KLHL40: variants seen among roughly 807,000 people sequenced by gnomAD.
The protein encoded by KLHL40 is kelch like family member 40, also known as kelch-like protein 40.
KLHL40 carries 44 observed loss-of-function variants against 49.7 expected under a neutral mutation model. The ratio of observed to expected loss-of-function variants is 0.89; its 90% CI spans 0.70 to 1.14. The LOEUF is 1.14. Among genes scored for constraint, KLHL40 ranks in the 50% most tolerant of loss-of-function variants. The pLI, the probability that KLHL40 is intolerant of heterozygous loss-of-function variation, is 0.00. For missense variants in KLHL40, 892 were observed against 850.3 expected, an observed-to-expected ratio of 1.05 and a Z score of -0.61; for synonymous variants, 409 against 365.2, an observed-to-expected ratio of 1.12 and a Z score of -1.37.
In KLHL40 at chr3:42,688,286, A is replaced by G. The variant is rs1171552364; in HGVS notation, c.1297A>G (p.Met433Val). The G allele has an allele frequency of 1.2e-6, 2 of 1,613,780 alleles. No homozygotes were observed. The highest frequency in any genetic ancestry group is 2.2e-5 in the East Asian group (1 of 44,840). ...CGGCGAGCGCTGCCTGGACTCGGTC[A>G]TGTGCTACGACAGGCTGTGAGCATG... ...KDGERCLDSV[M>V]CYDRLSFKWG... Residue 433 changes from methionine (M) to valine (V), a missense_variant, in exon 2 of 6, where the codon ATG (methionine) becomes GTG (valine). Coordinates refer to ENST00000287777, the MANE Select transcript of KLHL40 (RefSeq NM_152393.4). The surrounding 1 kb of genome is among the most constrained non-coding windows in gnomAD (Gnocchi z 4.2).
chr3:42,686,355 C>A lies in KLHL40; in HGVS notation c.737C>A (p.Ala246Asp). 6.2e-7 allele frequency: 1 copy of A among 1,612,898 alleles called. No individual in the cohort carries two copies. The highest frequency in any genetic ancestry group is 1.1e-5 in the South Asian group (1 of 91,060). The change falls in exon 1 of 6, where the codon GCC (alanine) becomes GAC (aspartate). Residue 246 changes from alanine to aspartate, a missense_variant. Coordinates refer to ENST00000287777, the MANE Select transcript of KLHL40 (RefSeq NM_152393.4). ...GTGGAGCGCCACCCTCTCGTGCGTG[C>A]CCAGCCCGAGTTGCTGCGCAAGGTG... ...SRVERHPLVR[A>D]QPELLRKVQM...
Position 42,685,583 on chromosome 3 carries a change from C to G in KLHL40, c.-36C>G, listed in dbSNP as rs1359560887. ...GAAAGCAGGGGTACAGAGAGGAGCC[C>G]CCTTGGCACCGCCACCGCACCCTAG... On this transcript the variant is annotated 5_prime_UTR_variant, in exon 1 of 6. Transcript: ENST00000287777. 3 of 1,530,130 alleles carry G rather than the reference C, an allele frequency of 2.0e-6. No homozygotes were observed. Among genetic ancestry groups the G allele is most frequent in the South Asian group, 2.5e-5 (2 of 79,866 alleles). The allele number at this position is 1,530,130 out of a possible 1,614,324, so 94.8% of individuals were successfully genotyped here. A position where few individuals can be genotyped will look rare whatever the true frequency, so the allele number is the denominator to read the frequency against.
At position 42,686,652 on chromosome 3, in the gene KLHL40, A is replaced by C. The variant is rs6805421; in HGVS notation, c.1034A>C (p.Asn345Thr). Residue 345 changes from asparagine to threonine, a missense_variant, in exon 1 of 6, where the codon AAC becomes ACC. Physicochemically the swap from Asn to Thr is moderately conservative, Grantham distance 65. Coordinates refer to ENST00000287777, the MANE Select transcript of KLHL40 (RefSeq NM_152393.4). ...ANECYCASLS[N>T]QVPKNHVSLV... ...GAGTGCTACTGTGCTTCCCTCTCCA[A>C]CCAGGTCCCCAAGAACCACGTCAGC... 1 of 1,613,644 alleles carries C rather than the reference A, an allele frequency of 6.2e-7. No homozygotes were observed. The highest frequency in any genetic ancestry group is 1.3e-5 in the African/African-American group (1 of 74,892).
rs3846062 is a variant in KLHL40 at position 42,692,175 on chromosome 3, A to C, written c.*182A>C. ...GCTGCTTAGTCCTGGACTTTTGGGC[A>C]AGGGTGAGAAACTAGAGGCTTCTCC... On this transcript the variant is annotated 3_prime_UTR_variant, in exon 6 of 6. Coordinates refer to ENST00000287777, the MANE Select transcript of KLHL40 (RefSeq NM_152393.4). 0.58 allele frequency: 332,691 copies of C among 574,794 alleles called. 97,420 individuals carry two copies. The highest frequency in any genetic ancestry group is 0.68 in the East Asian group (23,841 of 35,286). The allele number at this position is 574,794 out of a possible 1,614,324, so 35.6% of individuals were successfully genotyped here. A position where few individuals can be genotyped will look rare whatever the true frequency, so the allele number is the denominator to read the frequency against.
rs181054544 is a variant in KLHL40 at position 42,689,082 on chromosome 3, G to A, written c.1607+28G>A. 2,228 of 1,587,346 alleles carry A rather than the reference G, an allele frequency of 1.4e-3. 7 individuals are homozygous for A. Among genetic ancestry groups the A allele is most frequent in the Admixed American group, 3.0e-3 (175 of 58,882 alleles). On this transcript the variant is annotated intron_variant, in intron 4 of 5. Coordinates refer to ENST00000287777, the MANE Select transcript of KLHL40 (RefSeq NM_152393.4). ...ATGAAAGCTTGTCCCTTCCGCCAAG[G>A]ACAACTGCATGGCTTTGGGCTTCTG...
Position 42,686,020 on chromosome 3 carries a change from G to C in KLHL40, c.402G>C (p.Leu134Phe). ...LQKRLCLSNCLAVFRLGLLLD... is the reference protein window; with the variant it reads ...LQKRLCLSNCFAVFRLGLLLD... ...AGCGCCTGTGCCTCTCCAACTGCTT[G>C]GCCGTCTTCCGTCTCGGCCTCCTGC... Residue 134 changes from leucine to phenylalanine, a missense_variant, in exon 1 of 6, where the codon TTG becomes TTC. Physicochemically the swap from Leu to Phe is conservative, Grantham distance 22 (BLOSUM62 0). Transcript: ENST00000287777. 1 of 1,610,098 alleles carries C rather than the reference G, an allele frequency of 6.2e-7. No individual in the cohort carries two copies. Among genetic ancestry groups the C allele is most frequent in the Non-Finnish European group, 8.5e-7 (1 of 1,179,950 alleles).
At chr3:42,689,827 C>T (rs545063951) in intron 4 of KLHL40, among the ~76,000 whole-genome samples, 51 of 152,210 alleles carry the variant, frequency 3.4e-4, no homozygotes, top group African/African-American at 1.2e-3. Context: ...TTCTGATTCT[C>T]GGTATGCGGA....
At position 42,685,804 on chromosome 3, in the gene KLHL40, T is replaced by C; in HGVS notation, c.186T>C (p.Phe62=). 6.2e-7 allele frequency: 1 copy of C among 1,612,384 alleles called. No homozygotes were observed. ...GCAGCCCCTACTTCCGGGCGCGCTT[T>C]CTAGCCGAGCCGGAGCGCGCGGGCG... The part of the protein sequence containing the change: ...AACSPYFRAR[F]LAEPERAGEL... The change falls in exon 1 of 6, where the codon TTT becomes TTC. Residue 62 remains phenylalanine (F), a synonymous_variant. Transcript: ENST00000287777.
In KLHL40 at chr3:42,688,701, G is replaced by A. The variant is rs367579275; in HGVS notation, c.1405G>A (p.Gly469Ser). ...SHMDLVYVIG[G>S]KGSDRKCLNK... ...CATGGACCTTGTCTACGTAATTGGC[G>A]GCAAAGGCAGTGACAGGTGAGGCTG... Residue 469 changes from glycine (G) to serine (S), a missense_variant, in exon 3 of 6, where the codon GGC becomes AGC. Coordinates refer to ENST00000287777, the MANE Select transcript of KLHL40 (RefSeq NM_152393.4). The surrounding 1 kb of genome is among the most constrained non-coding windows in gnomAD (Gnocchi z 4.2). 2.3e-5 allele frequency: 37 copies of A among 1,613,612 alleles called. No individual in the cohort carries two copies. Among genetic ancestry groups the A allele is most frequent in the African/African-American group, 1.7e-4 (13 of 74,890 alleles).
At position 42,685,689 on chromosome 3, in the gene KLHL40, A is replaced by T. The variant is rs373211026; in HGVS notation, c.71A>T (p.Lys24Ile). The part of the protein sequence containing the change: ...YQQTLLQDGL[K>I]DMLDHGKFLD... ...CAGACGCTCCTGCAAGACGGGCTCA[A>T]AGACATGCTGGACCATGGCAAGTTC... The change falls in exon 1 of 6, where the codon AAA becomes ATA. Residue 24 changes from lysine to isoleucine, a missense_variant. Transcript: ENST00000287777. The T allele has an allele frequency of 5.0e-6, 8 of 1,613,080 alleles. No individual in the cohort carries two copies. The highest frequency in any genetic ancestry group is 5.9e-6 in the Non-Finnish European group (7 of 1,179,824).
Position 42,689,166 on chromosome 3 carries a change from C to T in KLHL40, c.1607+112C>T, listed in dbSNP as rs1575220765. On this transcript the variant is annotated intron_variant, in intron 4 of 5. Coordinates refer to ENST00000287777, the MANE Select transcript of KLHL40 (RefSeq NM_152393.4). The stretch of plus-strand genomic sequence containing the variant: ...GGTCTCCAGTGTTGACTTTGGACAT[C>T]AGTATAGAAATAGGCTTTCTCTCCT... The T allele has an allele frequency of 3.2e-6, 3 of 935,432 alleles. No individual in the cohort carries two copies. In the East Asian group the frequency reaches 7.8e-5, roughly 24 times the overall value. The allele number at this position is 935,432 out of a possible 1,614,324, so 57.9% of individuals were successfully genotyped here.
Position 42,686,056 on chromosome 3 carries a change from G to C in KLHL40, c.438G>C (p.Ala146=), listed in dbSNP as rs1345880122. The change falls in exon 1 of 6, where the codon GCG becomes GCC. Residue 146 remains alanine, a synonymous_variant. Coordinates refer to ENST00000287777, the MANE Select transcript of KLHL40 (RefSeq NM_152393.4). Reference sequence around the variant, plus strand: ...GTCTCGGCCTCCTGCTCGACTGCGCGCGTCTCGCCGTGGCTGCCCGCGACT... The same window carrying C: ...GTCTCGGCCTCCTGCTCGACTGCGCCCGTCTCGCCGTGGCTGCCCGCGACT... The part of the protein sequence containing the change: ...VFRLGLLLDC[A]RLAVAARDFI... 6.2e-7 allele frequency: 1 copy of C among 1,605,982 alleles called. No homozygotes were observed. The highest frequency in any genetic ancestry group is 8.5e-7 in the Non-Finnish European group (1 of 1,179,910).
intron 1 of KLHL40, among the ~76,000 whole-genome samples, chr3:42,687,799 G>C (rs1048577426): frequency 2.0e-5 from 3 of 152,118 alleles, no homozygotes; most frequent in Non-Finnish European, 4.4e-5. Context: ...AGTGGGATGG[G>C]GTGGAGAGGA....
rs367579275 is a variant in KLHL40, at chr3:42,688,701, G to T, written c.1405G>T (p.Gly469Cys). ...CATGGACCTTGTCTACGTAATTGGC[G>T]GCAAAGGCAGTGACAGGTGAGGCTG... ...SHMDLVYVIG[G>C]KGSDRKCLNK... Residue 469 changes from glycine (G) to cysteine (C), a missense_variant, in exon 3 of 6, where the codon GGC becomes TGC. Physicochemically the swap from Gly to Cys is radical, Grantham distance 159. Transcript: ENST00000287777. This position sits in a 1 kb window ranked among gnomAD's most constrained non-coding sequence, Gnocchi z 4.2. 8 of 1,613,612 alleles carry T rather than the reference G, an allele frequency of 5.0e-6. No homozygotes were observed. The East Asian group carries it at 1.8e-4, about 36-fold the overall frequency.
At chr3:42,689,136 T>A (rs1697323561) in intron 4 of KLHL40, 82 bp downstream of exon 4, 1 of 1,223,538 alleles carries the variant, frequency 8.2e-7, no homozygotes, top group African/African-American at 1.5e-5. Flanking sequence ...GCAGTCCCTG[T>A]CTTGGGTCTC....
rs61163642 is a variant in KLHL40 at position 42,691,682 on chromosome 3, G to C, written c.1755-200G>C. 0.5 allele frequency among the ~76,000 whole-genome samples: 75,334 copies of C among 151,690 alleles called. 19,483 individuals carry two copies. Among genetic ancestry groups the C allele is most frequent in the East Asian group, 0.71 (3,649 of 5,106 alleles). On this transcript the variant is annotated intron_variant, in intron 5 of 5. Coordinates refer to ENST00000287777, the MANE Select transcript of KLHL40 (RefSeq NM_152393.4). ...AGAGGTGATCTTTCCTGGGGAGAAA[G>C]ACCCTTCCTGGAGTGTGGGGTGGGT...
At position 42,691,997 on chromosome 3, in the gene KLHL40, G is replaced by A. The variant is rs750997781; in HGVS notation, c.*4G>A. 3.8e-6 allele frequency: 6 copies of A among 1,559,058 alleles called. No homozygotes were observed. In the Admixed American group the frequency reaches 1.0e-4, roughly 26 times the overall value. On this transcript the variant is annotated 3_prime_UTR_variant, in exon 6 of 6. Transcript: ENST00000287777. ...GCTGTGCCTGACTAAGATGTGACCA[G>A]CTCAGGCAGACTGAACTAAGCACCC...
Position 42,685,708 on chromosome 3 carries a change from C to T in KLHL40, c.90C>T (p.Gly30=), listed in dbSNP as rs906335274. 3 of 1,613,094 alleles carry T rather than the reference C, an allele frequency of 1.9e-6. No homozygotes were observed. The African/African-American group carries it at 4.0e-5, about 22-fold the overall frequency. The change falls in exon 1 of 6, where the codon GGC becomes GGT. Residue 30 remains glycine (G), a synonymous_variant. Coordinates refer to ENST00000287777, the MANE Select transcript of KLHL40 (RefSeq NM_152393.4). ...QDGLKDMLDH[G]KFLDCVVRAG... ...GGCTCAAAGACATGCTGGACCATGG[C>T]AAGTTCCTCGACTGTGTGGTGCGGG...
intron 1 of KLHL40, among the ~76,000 whole-genome samples, chr3:42,686,997 G>A (rs1464434423): frequency 6.6e-6 from 1 of 152,222 alleles, no homozygotes; most frequent in Non-Finnish European, 1.5e-5. Flanking sequence ...TCAGGGGTGT[G>A]GTAGCCCCAA....
Sources: gnomAD v4.1 joint callset for allele counts (sites outside exome capture counted in the v4.1 genomes callset) on GRCh38, gnomAD v4.1.1 for gene constraint, Gnocchi (gnomAD v3.1) non-coding constraint, MANE v1.5 for transcripts, NCBI Gene and HGNC (gene_info 2026-07-23, HGNC 2026-07-21) for gene names.